PAM: variants seen among roughly 807,000 people sequenced by gnomAD.
PAM encodes peptidylglycine alpha-amidating monooxygenase.
PAM carries 72 observed loss-of-function variants against 122.1 expected under a neutral mutation model. The observed-to-expected ratio is 0.59, with a 90% CI of 0.49 to 0.72. PAM has a LOEUF of 0.72. PAM is among the 30% of genes least tolerant of loss of function. The pLI is 0.00. For synonymous variants in PAM, 389 were observed against 404.4 expected, an observed-to-expected ratio of 0.96 and a Z score of 0.46; for missense variants, 1,106 against 1,183.7, an observed-to-expected ratio of 0.93 and a Z score of 0.96.
intron 15 of PAM, among the ~76,000 whole-genome samples, chr5:102,979,433 A>G (rs1768966231): frequency 6.6e-6 from 1 of 152,170 alleles, no homozygotes; most frequent in Non-Finnish European, 1.5e-5. Context: ...ATGAATAACA[A>G]TCCCTGACCA....
intron 3 of PAM, among the ~76,000 whole-genome samples, chr5:102,870,213 T>C (rs1425555062): frequency 3.3e-5 from 5 of 152,068 alleles, no homozygotes; most frequent in Non-Finnish European, 5.9e-5. Flanking sequence ...AAGAAATGTA[T>C]TCATTCCACA....
intron 7 of PAM, among the ~76,000 whole-genome samples, chr5:102,934,384 G>A (rs770922408): frequency 1.5e-4 from 23 of 152,170 alleles, no homozygotes; most frequent in African/African-American, 2.7e-4. Flanking sequence ...CACATATTGC[G>A]TTTCCAAGTT....
chr5:102,902,467 G>A (rs1026915369), intron 4 of PAM, among the ~76,000 whole-genome samples: 1 of 151,564 alleles, frequency 6.6e-6, no homozygotes, highest in Non-Finnish European at 1.5e-5. Flanking sequence ...AAACATTGAT[G>A]ATGTTGTTTT....
chr5:102,779,516 A>G (rs1019401308), intron 1 of PAM, among the ~76,000 whole-genome samples: 2 of 151,994 alleles, frequency 1.3e-5, no homozygotes, highest in African/African-American at 2.4e-5. Context: ...TGTGATGGTT[A>G]ATACGTGTGT....
At chr5:103,028,357 A>G in intron 25 of PAM, 119 bp downstream of exon 25, 1 of 702,836 alleles carries the variant, frequency 1.4e-6, no homozygotes, top group East Asian at 2.6e-5. Context: ...CCTTGTATGC[A>G]GCTTAGCATC....
intron 3 of PAM, among the ~76,000 whole-genome samples, chr5:102,897,782 G>C (rs1462891234): frequency 6.6e-6 from 1 of 151,598 alleles, no homozygotes; most frequent in East Asian, 1.9e-4. Flanking sequence ...TATTCAATCA[G>C]GATCAAATCA....
chr5:102,808,468 C>T (rs1423199526), intron 1 of PAM, among the ~76,000 whole-genome samples: 7 of 152,242 alleles, frequency 4.6e-5, no homozygotes, highest in Non-Finnish European at 1.0e-4. Flanking sequence ...CACAGTGTAA[C>T]GCCTGCTACT....
intron 1 of PAM, among the ~76,000 whole-genome samples, chr5:102,766,096 A>G (rs1753854575): frequency 6.6e-6 from 1 of 152,196 alleles, no homozygotes; most frequent in Non-Finnish European, 1.5e-5. Context: ...CTAGTTTCCC[A>G]TATGATACAA....
At position 102,943,583 on chromosome 5, in the gene PAM, T is replaced by C. The variant is rs1463991390; in HGVS notation, c.527-3254T>C. 2.0e-5 allele frequency among the ~76,000 whole-genome samples: 3 copies of C among 152,184 alleles called. No homozygotes were observed. The South Asian group carries it at 6.2e-4, about 32-fold the overall frequency. On this transcript the variant is annotated intron_variant, in intron 7 of 25. Transcript: ENST00000438793. ...TTGCCTTTTTTTCTAGTAAATAGCA[T>C]TTATTAAACATTAATATTAGAGAAT...
intron 3 of PAM, among the ~76,000 whole-genome samples, chr5:102,881,100 C>CA (rs1790831733): frequency 7.0e-6 from 1 of 142,700 alleles, no homozygotes; most frequent in Admixed American, 7.0e-5. Context: ...GTAGAAGAGA[C>CA]TGGAAAATTA....
At chr5:102,821,242 C>A (rs1452817526) in intron 1 of PAM, among the ~76,000 whole-genome samples, 1 of 152,016 alleles carries the variant, frequency 6.6e-6, no homozygotes, top group Non-Finnish European at 1.5e-5. Flanking sequence ...AACCATTTAT[C>A]CTGAGGAGCT....
chr5:102,998,531 T>C (rs182738728), intron 16 of PAM, among the ~76,000 whole-genome samples: 9 of 152,316 alleles, frequency 5.9e-5, no homozygotes, highest in Admixed American at 3.9e-4. Context: ...TAACTTTTCA[T>C]ATTCCACAGG....
chr5:102,868,184 G>C (rs1438381816), intron 3 of PAM, among the ~76,000 whole-genome samples: 5 of 152,208 alleles, frequency 3.3e-5, no homozygotes, highest in Non-Finnish European at 5.9e-5. Context: ...GCAGAGACAG[G>C]GAAAGACCTG....
intron 3 of PAM, among the ~76,000 whole-genome samples, chr5:102,881,440 G>A (rs921927953): frequency 2.0e-5 from 3 of 151,924 alleles, no homozygotes; most frequent in Non-Finnish European, 4.4e-5. Flanking sequence ...TTTAAGGATG[G>A]GAATACATGG....
At chr5:103,027,679 A>G (rs1439853263) in intron 24 of PAM, among the ~76,000 whole-genome samples, 1 of 152,240 alleles carries the variant, frequency 6.6e-6, no homozygotes, top group Non-Finnish European at 1.5e-5. Context: ...ATGGATCCAA[A>G]GCTTTCTCAA....
intron 16 of PAM, among the ~76,000 whole-genome samples, chr5:103,000,478 C>T (rs1777063800): frequency 6.6e-6 from 1 of 152,198 alleles, no homozygotes. Flanking sequence ...CTGCCTATTA[C>T]CCAGTTCCAA....
At chr5:102,804,258 G>C (rs1403132122) in intron 1 of PAM, among the ~76,000 whole-genome samples, 2 of 152,198 alleles carry the variant, frequency 1.3e-5, no homozygotes, top group East Asian at 3.9e-4. Flanking sequence ...GAGTTTTGGA[G>C]TTTGGTGGTA....
intron 15 of PAM, among the ~76,000 whole-genome samples, chr5:102,975,351 T>C (rs1433997594): frequency 2.6e-5 from 4 of 152,174 alleles, no homozygotes; most frequent in Non-Finnish European, 4.4e-5. Flanking sequence ...GATTTTTATT[T>C]ATAATTGAAA....
At chr5:102,890,713 C>T (rs1233255166) in intron 3 of PAM, among the ~76,000 whole-genome samples, 1 of 151,724 alleles carries the variant, frequency 6.6e-6, no homozygotes. Context: ...AAAATAAAGC[C>T]GATTTTAAAG....
Sources: allele counts gnomAD v4.1 joint callset (sites outside exome capture counted in the v4.1 genomes callset), GRCh38; gene constraint gnomAD v4.1.1; transcripts MANE v1.5; gene names NCBI Gene and HGNC (gene_info 2026-07-23, HGNC 2026-07-21).